SATL1: variants seen among roughly 807,000 people sequenced by gnomAD.
SATL1 encodes spermidine/spermine N1-acetyl transferase like 1.
A neutral mutation model predicts 51.8 loss-of-function variants in SATL1; 47 were observed. The ratio of observed to expected loss-of-function variants is 0.91; its 90% confidence interval spans 0.72 to 1.16. The LOEUF is 1.16. SATL1 is among the 50% of genes most tolerant of loss of function. SATL1 has a pLI of 0.00. For missense variants in SATL1, 520 were observed against 526.4 expected (o/e 0.99, Z 0.12); for synonymous variants, 176 against 182.4 (o/e 0.97, Z 0.28).
chrX:85,156,545 T>A (rs1476978729), intron 2 of SATL1: 1 of 109,492 alleles, frequency 9.1e-6, no homozygotes, highest in Non-Finnish European at 1.9e-5. Flanking sequence ...TGAGATGTAA[T>A]CAGATCAAAT....
chrX:85,237,635 T>G (rs1928506606), intron 1 of SATL1, among the ~76,000 whole-genome samples: 1 of 111,228 alleles, frequency 9.0e-6, no homozygotes, highest in Non-Finnish European at 1.9e-5. Context: ...TGGGGGAAAC[T>G]CTCCAGTACA....
chrX:85,164,723 ATTTTT>A (rs200523833), intron 2 of SATL1, among the ~76,000 whole-genome samples: 1 of 92,989 alleles, frequency 1.1e-5, no homozygotes, highest in African/African-American at 3.9e-5. Context: ...TAGGTGATGA[ATTTTT>A]TTTTTTTTTT....
rs35172254 is a variant in SATL1 at position 85,152,998 on chromosome X, TA to T, written c.-312-43719del. Among the ~76,000 whole-genome samples, 684 of 108,230 alleles carry T rather than the reference TA, an allele frequency of 6.3e-3. 7 individuals carry two copies. The highest frequency in any genetic ancestry group is 0.022 in the African/African-American group (645 of 29,903). The allele number at this position is 108,230 out of a possible 115,157, so 94.0% of individuals were successfully genotyped here. ...AAATAAATAAAAATAAAATAAAAAT[TA>T]AAAAAAAATACATCGACATTTCTAT... On this transcript the variant is annotated intron_variant, in intron 2 of 7. Coordinates refer to ENST00000644105, the MANE Select transcript of SATL1 (RefSeq NM_001367857.2).
chrX:85,243,325 A>G (rs758466826), intron 1 of SATL1, among the ~76,000 whole-genome samples: 7 of 112,005 alleles, frequency 6.2e-5, no homozygotes, highest in Non-Finnish European at 1.1e-4. Flanking sequence ...ATCACATCTC[A>G]TCACTCTTTT....
chrX:85,193,262 T>C (rs1749624160), intron 2 of SATL1, among the ~76,000 whole-genome samples: 1 of 111,930 alleles, frequency 8.9e-6, no homozygotes. Context: ...ACAATGTGTT[T>C]AATACTGTAA....
At chrX:85,150,335 C>A (rs1426550239) in intron 2 of SATL1, among the ~76,000 whole-genome samples, 3 of 110,503 alleles carry the variant, frequency 2.7e-5, no homozygotes, top group African/African-American at 9.9e-5. Context: ...AGCTTACCAA[C>A]CAAAAAGAGT....
intron 2 of SATL1, among the ~76,000 whole-genome samples, chrX:85,222,818 T>C (rs780809805): frequency 8.9e-6 from 1 of 111,813 alleles, no homozygotes; most frequent in Non-Finnish European, 1.9e-5. Flanking sequence ...GATAACAATA[T>C]GCTAAGATGG....
At chrX:85,130,398 T>C (rs1003369703) in intron 2 of SATL1, among the ~76,000 whole-genome samples, 1 of 112,012 alleles carries the variant, frequency 8.9e-6, no homozygotes, top group African/African-American at 3.2e-5. Flanking sequence ...TCCAGGAATT[T>C]ATCCATTTCT....
chrX:85,237,771 C>T (rs984278105), intron 1 of SATL1, among the ~76,000 whole-genome samples: 2 of 111,179 alleles, frequency 1.8e-5, no homozygotes, highest in Admixed American at 1.9e-4. Context: ...ACAAAGTGTA[C>T]AGACAATTCA....
At chrX:85,238,781 T>C (rs906940410) in intron 1 of SATL1, among the ~76,000 whole-genome samples, 2 of 111,396 alleles carry the variant, frequency 1.8e-5, no homozygotes. Flanking sequence ...TTCCCTGAGA[T>C]GTGTTTATTA....
intron 2 of SATL1, among the ~76,000 whole-genome samples, chrX:85,204,536 C>T (rs1467452003): frequency 8.9e-6 from 1 of 112,287 alleles, no homozygotes; most frequent in African/African-American, 3.2e-5. Context: ...ATTCACTTCA[C>T]AGCTGATCCA....
At chrX:85,207,154 T>G (rs1312790554) in intron 2 of SATL1, 2 of 111,667 alleles carry the variant, frequency 1.8e-5, no homozygotes, top group Non-Finnish European at 3.8e-5. Flanking sequence ...GCAGTGCTGT[T>G]GAACTTCTGG....
intron 2 of SATL1, among the ~76,000 whole-genome samples, chrX:85,134,202 A>AGT (rs1186006012): frequency 1.8e-5 from 2 of 109,625 alleles, no homozygotes; most frequent in African/African-American, 6.7e-5. Context: ...GTGTGTGTAT[A>AGT]GTGTGTGTGT....
At chrX:85,214,668 A>G (rs1166694767) in intron 2 of SATL1, among the ~76,000 whole-genome samples, 2 of 112,116 alleles carry the variant, frequency 1.8e-5, no homozygotes, top group African/African-American at 6.5e-5. Flanking sequence ...GTGAGCCTGT[A>G]TAATTAAAAA....
intron 1 of SATL1, among the ~76,000 whole-genome samples, chrX:85,236,997 A>T (rs7053006): frequency 0.24 from 26,736 of 110,781 alleles, 3,394 homozygotes; most frequent in African/African-American, 0.49. Context: ...CATTTCTATA[A>T]GCCAACAGTG....
intron 2 of SATL1, among the ~76,000 whole-genome samples, chrX:85,181,119 A>G (rs143201342): frequency 0.017 from 1,749 of 105,178 alleles, 32 homozygotes; most frequent in African/African-American, 0.057. Flanking sequence ...GTGTGTGTGT[A>G]TATACGTGTG....
intron 2 of SATL1, chrX:85,211,169 G>A (rs1054791954): frequency 8.9e-6 from 1 of 111,800 alleles, no homozygotes; most frequent in South Asian, 3.7e-4. Flanking sequence ...AAGTGGCTAC[G>A]TAAAAATACA....
At chrX:85,171,961 A>G (rs1175462966) in intron 2 of SATL1, among the ~76,000 whole-genome samples, 1 of 111,530 alleles carries the variant, frequency 9.0e-6, no homozygotes, top group Non-Finnish European at 1.9e-5. Context: ...CAGGAGATAT[A>G]ATTCAATACA....
At chrX:85,190,285 A>G (rs1036039394) in intron 2 of SATL1, among the ~76,000 whole-genome samples, 2 of 112,348 alleles carry the variant, frequency 1.8e-5, no homozygotes, top group African/African-American at 6.5e-5. Context: ...TTTGAATAAG[A>G]TAAAGTCAAT....
Sources: allele counts gnomAD v4.1 joint callset (sites outside exome capture counted in the v4.1 genomes callset), GRCh38; gene constraint gnomAD v4.1.1; transcripts MANE v1.5; gene names NCBI Gene and HGNC (gene_info 2026-07-23, HGNC 2026-07-21).